LIN52: variants seen among roughly 807,000 people sequenced by gnomAD.
The protein encoded by LIN52 is protein lin-52 homolog.
Under a neutral mutation model 18.5 loss-of-function variants are expected in LIN52, and 4 were observed. The ratio of observed to expected loss-of-function variants is 0.22; its 90% CI spans 0.11 to 0.49. LIN52 has a LOEUF of 0.49. Among genes scored for constraint, LIN52 ranks in the 20% least tolerant of loss-of-function variants. The pLI is 0.97. For missense variants in LIN52, 102 were observed against 139.5 expected (o/e 0.73, Z 1.35); for synonymous variants, 34 against 45.5 (o/e 0.75, Z 1.02).
At chr14:74,128,920 C>A (rs2061044506) in intron 5 of LIN52, among the ~76,000 whole-genome samples, 2 of 152,040 alleles carry the variant, frequency 1.3e-5, no homozygotes, top group South Asian at 4.2e-4. Flanking sequence ...CCAGCCTGGG[C>A]AACAGAGCAA....
chr14:74,097,807 C>A lies in LIN52; in HGVS notation c.146C>A (p.Ser49Tyr). Reference sequence around the variant, plus strand: ...ATTTTTTGACAGCCTATTACTAGTTCTCCACCCAAATGGATGGCTGAGATA... The same window carrying A: ...ATTTTTTGACAGCCTATTACTAGTTATCCACCCAAATGGATGGCTGAGATA... ...AASFKSPITS[S>Y]PPKWMAEIER... Residue 49 changes from serine (S) to tyrosine (Y), a missense_variant, in exon 4 of 6, where the codon TCT becomes TAT. By Grantham distance (144) the Ser-to-Tyr change is moderately radical (BLOSUM62 -2). Transcript: ENST00000555028. 6.2e-7 allele frequency: 1 copy of A among 1,611,288 alleles called. No individual in the cohort carries two copies. Among genetic ancestry groups the A allele is most frequent in the Non-Finnish European group, 8.5e-7 (1 of 1,177,444 alleles).
At chr14:74,108,117 C>A (rs2139896840) in intron 5 of LIN52, among the ~76,000 whole-genome samples, 1 of 152,292 alleles carries the variant, frequency 6.6e-6, no homozygotes, top group Non-Finnish European at 1.5e-5. Context: ...TAAATGAAAT[C>A]ATATAATATG....
intron 5 of LIN52, among the ~76,000 whole-genome samples, chr14:74,126,042 A>AG (rs2061028149): frequency 6.7e-6 from 1 of 150,268 alleles, no homozygotes; most frequent in Admixed American, 6.7e-5. Flanking sequence ...GTATTAAAAA[A>AG]AAAAAAAAGA....
At chr14:74,111,441 A>G (rs1595157470) in intron 5 of LIN52, among the ~76,000 whole-genome samples, 1 of 145,494 alleles carries the variant, frequency 6.9e-6, no homozygotes, top group Non-Finnish European at 1.5e-5. Flanking sequence ...GGACAGTGCC[A>G]CCATGCCTGA....
intron 5 of LIN52, among the ~76,000 whole-genome samples, chr14:74,180,847 G>A (rs1430495319): frequency 2.0e-5 from 3 of 152,090 alleles, no homozygotes; most frequent in Non-Finnish European, 2.9e-5. Flanking sequence ...AGTGGCTTAT[G>A]CCTGTAATAT....
intron 5 of LIN52, among the ~76,000 whole-genome samples, chr14:74,107,538 G>A (rs574752076): frequency 5.2e-4 from 79 of 152,126 alleles, no homozygotes; most frequent in Non-Finnish European, 9.6e-4. Flanking sequence ...TGCCCCTAGA[G>A]CAGTTTGTTT....
chr14:74,155,688 A>G (rs1486335094), intron 5 of LIN52, among the ~76,000 whole-genome samples: 1 of 152,226 alleles, frequency 6.6e-6, no homozygotes, highest in African/African-American at 2.4e-5. Flanking sequence ...AGCCTTTTGC[A>G]ATACAGAAAA....
intron 2 of LIN52, among the ~76,000 whole-genome samples, chr14:74,095,564 C>A (rs1325993912): frequency 6.6e-6 from 1 of 152,132 alleles, no homozygotes; most frequent in Non-Finnish European, 1.5e-5. Flanking sequence ...TAATGTGATT[C>A]TTTCTGTGAG....
intron 5 of LIN52, among the ~76,000 whole-genome samples, chr14:74,125,684 T>C (rs2098008399): frequency 6.6e-6 from 1 of 152,018 alleles, no homozygotes; most frequent in Admixed American, 6.6e-5. Flanking sequence ...GTGGCACATA[T>C]TCACCCTGGA....
chr14:74,179,439 C>A (rs1466290138), intron 5 of LIN52, among the ~76,000 whole-genome samples: 1 of 152,112 alleles, frequency 6.6e-6, no homozygotes, highest in African/African-American at 2.4e-5. Flanking sequence ...GCAGGCGGAT[C>A]ATTTGAGGTC....
chr14:74,177,635 G>A (rs1379097571), intron 5 of LIN52, among the ~76,000 whole-genome samples: 2 of 152,138 alleles, frequency 1.3e-5, no homozygotes, highest in Non-Finnish European at 2.9e-5. Context: ...GGACTCTAAA[G>A]TTTGATATTT....
At chr14:74,120,360 T>C (rs2060991958) in intron 5 of LIN52, among the ~76,000 whole-genome samples, 1 of 151,890 alleles carries the variant, frequency 6.6e-6, no homozygotes, top group African/African-American at 2.4e-5. Flanking sequence ...GGCTCATACC[T>C]GTAATCCCAG....
At chr14:74,116,535 G>A (rs551048058) in intron 5 of LIN52, among the ~76,000 whole-genome samples, 5 of 151,906 alleles carry the variant, frequency 3.3e-5, no homozygotes, top group South Asian at 2.1e-4. Context: ...GTGAAACCCC[G>A]TCTCTACTAA....
At chr14:74,151,740 T>C (rs2061177559) in intron 5 of LIN52, among the ~76,000 whole-genome samples, 1 of 152,220 alleles carries the variant, frequency 6.6e-6, no homozygotes, top group African/African-American at 2.4e-5. Context: ...GAAACATGGC[T>C]ATCGTGCAGA....
rs2078945411 is a variant in LIN52, at chr14:74,200,910, C to T, written c.*1933C>T. ...AGAGTTGATGACATCAGGCACTTTT[C>T]AGTGTTTGGGGAAATTGATTGGGAT... On this transcript the variant is annotated 3_prime_UTR_variant, in exon 6 of 6. Transcript: ENST00000555028. The T allele has an allele frequency of 6.6e-6, 1 of 152,204 alleles. No homozygotes were observed. The highest frequency in any genetic ancestry group is 1.5e-5 in the Non-Finnish European group (1 of 68,040). The allele number at this position is 152,204 out of a possible 1,614,324, so 9.4% of individuals were successfully genotyped here.
chr14:74,193,835 T>C (rs1456403756), intron 5 of LIN52, among the ~76,000 whole-genome samples: 1 of 152,138 alleles, frequency 6.6e-6, no homozygotes, highest in African/African-American at 2.4e-5. Context: ...GCCACTCATA[T>C]TACAATCTCC....
chr14:74,108,576 CA>C (rs1428427556), intron 5 of LIN52, among the ~76,000 whole-genome samples: 1 of 152,052 alleles, frequency 6.6e-6, no homozygotes, highest in Non-Finnish European at 1.5e-5. Context: ...TAATTATTAT[CA>C]TGTCCATCAT....
chr14:74,103,427 A>T (rs1024071281), intron 5 of LIN52, among the ~76,000 whole-genome samples: 18 of 88,578 alleles, frequency 2.0e-4, no homozygotes, highest in Non-Finnish European at 2.7e-4. Flanking sequence ...AAAATGTAAG[A>T]TTTTTTTTTT....
At chr14:74,153,018 A>ACT (rs1455317111) in intron 5 of LIN52, among the ~76,000 whole-genome samples, 1 of 151,790 alleles carries the variant, frequency 6.6e-6, no homozygotes, top group Non-Finnish European at 1.5e-5. Flanking sequence ...TGTATCAGAT[A>ACT]CTTAAATGAA....
Sources: allele counts gnomAD v4.1 joint callset (sites outside exome capture counted in the v4.1 genomes callset), GRCh38; gene constraint gnomAD v4.1.1; transcripts MANE v1.5; gene names NCBI Gene and HGNC (gene_info 2026-07-23, HGNC 2026-07-21).